The following PSD3 variants were observed in gnomAD, a reference collection of about 807,000 sequenced individuals.
The protein encoded by PSD3 is pleckstrin and Sec7 domain containing 3.
In PSD3, 49 loss-of-function variants were observed where a neutral mutation model predicts 105.5. The ratio of observed to expected loss-of-function variants is 0.46; its 90% CI spans 0.37 to 0.59. The LOEUF is 0.59. Ranked by LOEUF, PSD3 falls within the 20% of genes least tolerant of loss-of-function variation. The pLI is 0.00. For synonymous variants in PSD3, 557 were observed against 457.8 expected, an observed-to-expected ratio of 1.22 and a Z score of -2.77; for missense variants, 1,561 against 1,263.8, an observed-to-expected ratio of 1.24 and a Z score of -3.57.
intron 9 of PSD3, among the ~76,000 whole-genome samples, chr8:18,724,067 A>G (rs781075451): frequency 6.6e-6 from 1 of 152,200 alleles, no homozygotes; most frequent in Non-Finnish European, 1.5e-5. Context: ...AGGGTTAATG[A>G]TAATAGACAT....
chr8:18,991,640 A>T (rs1198375314), intron 1 of PSD3, among the ~76,000 whole-genome samples: 1 of 152,202 alleles, frequency 6.6e-6, no homozygotes, highest in Non-Finnish European at 1.5e-5. Context: ...CATGCAAAAC[A>T]AACAGTGTTA....
chr8:18,555,772 T>A (rs1041661124), intron 15 of PSD3, among the ~76,000 whole-genome samples: 1 of 152,130 alleles, frequency 6.6e-6, no homozygotes, highest in African/African-American at 2.4e-5. Context: ...GAAAAACGCA[T>A]AGTGTTGCCG....
chr8:18,916,943 A>T (rs926197098), intron 2 of PSD3, among the ~76,000 whole-genome samples: 2 of 152,000 alleles, frequency 1.3e-5, no homozygotes, highest in Non-Finnish European at 2.9e-5. Flanking sequence ...AATAATATAA[A>T]ATCTCTTCCC....
intron 12 of PSD3, among the ~76,000 whole-genome samples, chr8:18,594,154 A>C (rs1349618955): frequency 3.2e-5 from 2 of 63,430 alleles, no homozygotes; most frequent in African/African-American, 1.1e-4. Flanking sequence ...TATATAATAT[A>C]TATTATTATA....
At chr8:18,933,053 C>A (rs1821843699) in intron 2 of PSD3, among the ~76,000 whole-genome samples, 1 of 152,202 alleles carries the variant, frequency 6.6e-6, no homozygotes, top group Non-Finnish European at 1.5e-5. Context: ...CGTCTTTGCA[C>A]CTTCAATGTG....
chr8:18,974,907 G>A (rs930457305), intron 1 of PSD3, among the ~76,000 whole-genome samples: 12 of 150,534 alleles, frequency 8.0e-5, no homozygotes, highest in Non-Finnish European at 1.8e-4. Context: ...AGGTCAAAGG[G>A]AAAAAAAAAT....
At chr8:18,793,297 T>C (rs1325058359) in intron 8 of PSD3, among the ~76,000 whole-genome samples, 1 of 150,556 alleles carries the variant, frequency 6.6e-6, no homozygotes, top group East Asian at 2.0e-4. Context: ...GTTGTGCACA[T>C]GTACCCTAGA....
intron 10 of PSD3, among the ~76,000 whole-genome samples, chr8:18,636,776 G>A (rs1411208351): frequency 6.6e-6 from 1 of 152,146 alleles, no homozygotes; most frequent in Non-Finnish European, 1.5e-5. Context: ...GCACAGTAAC[G>A]AGCTATACAG....
intron 9 of PSD3, among the ~76,000 whole-genome samples, chr8:18,676,682 C>G (rs1266559997): frequency 6.6e-6 from 1 of 152,182 alleles, no homozygotes; most frequent in South Asian, 2.1e-4. Flanking sequence ...ATATGCTGAC[C>G]CGCATACCCT....
chr8:18,840,948 T>C (rs1015614789), intron 4 of PSD3, among the ~76,000 whole-genome samples: 6 of 152,360 alleles, frequency 3.9e-5, no homozygotes, highest in South Asian at 2.1e-4. Flanking sequence ...TGTCTCGAGA[T>C]AGATGAATGC....
intron 6 of PSD3, among the ~76,000 whole-genome samples, chr8:18,801,913 A>G (rs956512029): frequency 2.0e-5 from 3 of 152,154 alleles, no homozygotes; most frequent in African/African-American, 7.2e-5. Flanking sequence ...GAAGGTAGGT[A>G]ATTTCCTCAT....
At chr8:18,899,957 A>T (rs977323049) in intron 2 of PSD3, among the ~76,000 whole-genome samples, 9 of 152,056 alleles carry the variant, frequency 5.9e-5, no homozygotes, top group African/African-American at 1.9e-4. Flanking sequence ...CTTCCTTACT[A>T]ATAAATGTCC....
chr8:18,983,671 G>C (rs184477404), intron 1 of PSD3, among the ~76,000 whole-genome samples: 1 of 152,188 alleles, frequency 6.6e-6, no homozygotes, highest in Admixed American at 6.5e-5. Context: ...CATGGACACA[G>C]TTCTTGGTGT....
intron 9 of PSD3, among the ~76,000 whole-genome samples, chr8:18,667,074 G>A (rs1298703003): frequency 6.6e-6 from 1 of 152,104 alleles, no homozygotes; most frequent in East Asian, 1.9e-4. Context: ...AGACCTTTGT[G>A]TTGAGTGTTA....
At chr8:18,713,985 C>A (rs2129423199) in intron 9 of PSD3, among the ~76,000 whole-genome samples, 1 of 152,258 alleles carries the variant, frequency 6.6e-6, no homozygotes, top group Middle Eastern at 3.4e-3. Flanking sequence ...TACACATTTA[C>A]AACCATCTGA....
chr8:18,938,533 G>C (rs1822305731), intron 1 of PSD3, among the ~76,000 whole-genome samples: 1 of 150,286 alleles, frequency 6.7e-6, no homozygotes, highest in Non-Finnish European at 1.5e-5. Context: ...TAAGGCAGGA[G>C]AATCGCTTGA....
At chr8:18,804,494 G>C in intron 6 of PSD3, 28 bp downstream of exon 6, 2 of 1,538,744 alleles carry the variant, frequency 1.3e-6, no homozygotes, top group East Asian at 2.2e-5. Context: ...TGAAAGCAAT[G>C]ACGAGCAGCA....
intron 10 of PSD3, among the ~76,000 whole-genome samples, chr8:18,634,181 T>C (rs745342372): frequency 6.6e-6 from 1 of 151,968 alleles, no homozygotes; most frequent in Non-Finnish European, 1.5e-5. Context: ...GATTAACAGT[T>C]TGCAAATAAC....
chr8:18,807,832 G>A (rs1470876458), intron 4 of PSD3, among the ~76,000 whole-genome samples: 1 of 152,164 alleles, frequency 6.6e-6, no homozygotes, highest in Non-Finnish European at 1.5e-5. Context: ...ATGGCTGGGT[G>A]TGGTGGCTGA....
Sources: allele counts gnomAD v4.1 joint callset (sites outside exome capture counted in the v4.1 genomes callset), GRCh38; gene constraint gnomAD v4.1.1; transcripts MANE v1.5; gene names NCBI Gene and HGNC (gene_info 2026-07-23, HGNC 2026-07-21).